Variants in ANKRD11 observed in about 807,000 individuals in gnomAD.
ANKRD11 encodes ankyrin repeat domain-containing protein 11.
Under a neutral mutation model 195.7 loss-of-function variants are expected in ANKRD11, and 17 were observed. The observed-to-expected ratio is 0.09, with a 90% confidence interval of 0.06 to 0.13. The LOEUF (loss-of-function observed/expected upper bound fraction) is 0.13. Among genes scored for constraint, ANKRD11 ranks in the 10% least tolerant of loss-of-function variants. The probability of loss-of-function intolerance (pLI) is 1.00; values close to 1 mark genes in which losing one functional copy is unlikely to be tolerated. For missense variants in ANKRD11, 3,735 were observed against 3,566.1 expected (o/e 1.05, Z -1.21); for synonymous variants, 1,953 against 1,528.1 (o/e 1.28, Z -6.49).
intron 1 of ANKRD11, among the ~76,000 whole-genome samples, chr16:89,463,476 A>G (rs369442495): frequency 5.9e-5 from 9 of 152,178 alleles, no homozygotes; most frequent in African/African-American, 9.6e-5. Context: ...AAGGCAGCAT[A>G]CTCGTTAAGA....
At chr16:89,390,088 C>T (rs2041115119) in intron 2 of ANKRD11, among the ~76,000 whole-genome samples, 1 of 50,466 alleles carries the variant, frequency 2.0e-5, no homozygotes, top group Non-Finnish European at 3.4e-5. Flanking sequence ...GCGGGGAGCA[C>T]AGACAGAGAA....
At chr16:89,408,416 G>A (rs2041993439) in intron 2 of ANKRD11, among the ~76,000 whole-genome samples, 1 of 152,264 alleles carries the variant, frequency 6.6e-6, no homozygotes, top group Non-Finnish European at 1.5e-5. Context: ...AGGAGGAAGA[G>A]GATGGCAGGT....
intron 2 of ANKRD11, among the ~76,000 whole-genome samples, chr16:89,401,615 TC>T (rs1215237201): frequency 6.6e-6 from 1 of 152,208 alleles, no homozygotes; most frequent in South Asian, 2.1e-4. Flanking sequence ...TTGAAATGTG[TC>T]CCCCAAGAAT....
chr16:89,409,048 G>T (rs2042016434), intron 2 of ANKRD11, among the ~76,000 whole-genome samples: 3 of 152,190 alleles, frequency 2.0e-5, no homozygotes, highest in African/African-American at 7.2e-5. Context: ...AGAGAATTCA[G>T]AAAAGCCACC....
At chr16:89,449,953 C>T (rs2043992541) in intron 1 of ANKRD11, among the ~76,000 whole-genome samples, 1 of 152,104 alleles carries the variant, frequency 6.6e-6, no homozygotes, top group Non-Finnish European at 1.5e-5. Flanking sequence ...CACTGAGCAC[C>T]CTGAGGGAGC....
intron 1 of ANKRD11, among the ~76,000 whole-genome samples, chr16:89,457,150 G>A (rs1276726963): frequency 1.3e-4 from 19 of 150,410 alleles, no homozygotes; most frequent in Admixed American, 1.2e-3. Flanking sequence ...TAGTAGAGAC[G>A]GGGTTTCACC....
chr16:89,419,756 T>G (rs938490572), intron 1 of ANKRD11, among the ~76,000 whole-genome samples: 1 of 152,196 alleles, frequency 6.6e-6, no homozygotes, highest in Non-Finnish European at 1.5e-5. Context: ...TCCTGGCACA[T>G]GCGTTTTGCA....
At chr16:89,462,698 G>A (rs2056727533) in intron 1 of ANKRD11, among the ~76,000 whole-genome samples, 1 of 151,438 alleles carries the variant, frequency 6.6e-6, no homozygotes, top group Admixed American at 6.6e-5. Flanking sequence ...CGTCTGAGAT[G>A]TGGGGAGCGC....
intron 2 of ANKRD11, among the ~76,000 whole-genome samples, chr16:89,386,561 T>C (rs1230750534): frequency 5.3e-5 from 8 of 152,124 alleles, no homozygotes; most frequent in Admixed American, 3.9e-4. Flanking sequence ...CGCAACGACC[T>C]TGCATCCTGC....
At chr16:89,396,764 G>A (rs889032189) in intron 2 of ANKRD11, among the ~76,000 whole-genome samples, 16 of 152,310 alleles carry the variant, frequency 1.1e-4, no homozygotes, top group African/African-American at 3.9e-4. Context: ...TTGGCTCACT[G>A]CAACCTCCGC....
Position 89,285,707 on chromosome 16 carries a change from T to A in ANKRD11, c.893-58A>T. On this transcript the variant is annotated intron_variant, in intron 8 of 12. Coordinates refer to ENST00000301030, the MANE Select transcript of ANKRD11 (RefSeq NM_013275.6). The surrounding 1 kb of genome is among the most constrained non-coding windows in gnomAD (Gnocchi z 5.6). ...AGGCTCAAAACAGCTCTCCCCAGAA[T>A]GGCAGAGGAGGGAGGCTCTGCAGAT... 6.4e-7 allele frequency: 1 copy of A among 1,574,586 alleles called. No individual in the cohort carries two copies. Among genetic ancestry groups the A allele is most frequent in the Non-Finnish European group, 8.7e-7 (1 of 1,144,390 alleles).
chr16:89,352,260 T>C (rs1436914167), intron 2 of ANKRD11, among the ~76,000 whole-genome samples: 2 of 151,918 alleles, frequency 1.3e-5, no homozygotes, highest in East Asian at 3.9e-4. Context: ...ACAAGACTTG[T>C]CCTAAGGACT....
At chr16:89,394,923 A>G (rs2041359001) in intron 2 of ANKRD11, among the ~76,000 whole-genome samples, 1 of 152,220 alleles carries the variant, frequency 6.6e-6, no homozygotes, top group South Asian at 2.1e-4. Context: ...GCCAATTCAG[A>G]GGCGACAGTT....
chr16:89,365,701 G>A (rs1287379677), intron 2 of ANKRD11, among the ~76,000 whole-genome samples: 1 of 152,150 alleles, frequency 6.6e-6, no homozygotes, highest in Non-Finnish European at 1.5e-5. Flanking sequence ...TGGTCTCTCC[G>A]CAGAAACCCA....
At chr16:89,432,998 TCACACACA>T (rs142049824) in intron 1 of ANKRD11, among the ~76,000 whole-genome samples, 1 of 140,088 alleles carries the variant, frequency 7.1e-6, no homozygotes, top group Non-Finnish European at 1.6e-5. Context: ...CTCCTCTCTC[TCACACACA>T]CACACACACA....
intron 2 of ANKRD11, among the ~76,000 whole-genome samples, chr16:89,340,676 CAA>C (rs2038614455): frequency 8.5e-5 from 13 of 152,102 alleles, no homozygotes; most frequent in Admixed American, 7.9e-4. Context: ...CAAAAAGAGA[CAA>C]TATAATTAAC....
At chr16:89,354,859 C>T (rs778996702) in intron 2 of ANKRD11, among the ~76,000 whole-genome samples, 11 of 152,114 alleles carry the variant, frequency 7.2e-5, no homozygotes, top group Non-Finnish European at 1.2e-4. Flanking sequence ...TGCACTCCAG[C>T]CTGGGAGACA....
In ANKRD11 at chr16:89,288,628, T is replaced by A; in HGVS notation, c.644A>T (p.Asp215Val). Residue 215 changes from aspartate to valine, a missense_variant, in exon 7 of 13, where the codon GAC (aspartate) becomes GTC (valine). By Grantham distance (152) the Asp-to-Val change is radical. Coordinates refer to ENST00000301030, the MANE Select transcript of ANKRD11 (RefSeq NM_013275.6). ...LHEACNRGYY[D>V]VAKQLLAAGA... ...TGCAGCCAGCAGCTGCTTCGCGACG[T>A]CGTAGTAGCCCCGGTTACAGGCCTC... 1 of 1,613,986 alleles carries A rather than the reference T, an allele frequency of 6.2e-7. No homozygotes were observed. Among genetic ancestry groups the A allele is most frequent in the Non-Finnish European group, 8.5e-7 (1 of 1,180,026 alleles).
chr16:89,277,052 T>TC (rs2033716032), intron 9 of ANKRD11, among the ~76,000 whole-genome samples: 1 of 50,998 alleles, frequency 2.0e-5, no homozygotes, highest in Non-Finnish European at 4.0e-5. Context: ...TGAGACTCTG[T>TC]CTTAAAAAAA....
Sources: gnomAD v4.1 joint callset for allele counts (sites outside exome capture counted in the v4.1 genomes callset) on GRCh38, gnomAD v4.1.1 for gene constraint, Gnocchi (gnomAD v3.1) non-coding constraint, MANE v1.5 for transcripts, NCBI Gene and HGNC (gene_info 2026-07-23, HGNC 2026-07-21) for gene names.